Variants in CDH18 observed in about 807,000 individuals in gnomAD.
CDH18 encodes the protein cadherin 18.
CDH18 carries 31 observed loss-of-function variants against 67.9 expected under a neutral mutation model. That is an observed-to-expected ratio of 0.46 (90% CI 0.34 to 0.62). The LOEUF (loss-of-function observed/expected upper bound fraction) is 0.62, where lower values mean the gene tolerates loss of function less well. Among genes scored for constraint, CDH18 ranks in the 20% least tolerant of loss-of-function variants. The probability of loss-of-function intolerance (pLI) is 0.01; values close to 1 mark genes in which losing one functional copy is unlikely to be tolerated. For missense variants in CDH18, 890 were observed against 975.5 expected, an observed-to-expected ratio of 0.91 and a Z score of 1.17; for synonymous variants, 362 against 347.2, an observed-to-expected ratio of 1.04 and a Z score of -0.48.
chr5:19,827,551 T>C (rs890657624), intron 3 of CDH18, among the ~76,000 whole-genome samples: 5 of 151,994 alleles, frequency 3.3e-5, no homozygotes, highest in Non-Finnish European at 2.9e-5. Context: ...TCTTGGACCA[T>C]TGCACAATAA....
At chr5:19,898,869 C>A (rs1789630462) in intron 2 of CDH18, among the ~76,000 whole-genome samples, 1 of 152,080 alleles carries the variant, frequency 6.6e-6, no homozygotes, top group African/African-American at 2.4e-5. Flanking sequence ...ATTAAAAGAC[C>A]ACTTATGAAA....
chr5:19,921,454 C>T (rs1401757019), intron 2 of CDH18, among the ~76,000 whole-genome samples: 1 of 151,622 alleles, frequency 6.6e-6, no homozygotes. Flanking sequence ...TGGTGTGAAC[C>T]CGGGAGGCAG....
At chr5:20,092,121 A>G (rs572709854) in intron 2 of CDH18, among the ~76,000 whole-genome samples, 11 of 152,154 alleles carry the variant, frequency 7.2e-5, no homozygotes, top group Non-Finnish European at 1.3e-4. Flanking sequence ...AGTGTAAAAT[A>G]CCTCAGAATC....
chr5:19,760,229 T>C (rs1341387981), intron 3 of CDH18, among the ~76,000 whole-genome samples: 2 of 152,092 alleles, frequency 1.3e-5, no homozygotes, highest in African/African-American at 2.4e-5. Flanking sequence ...CACCATTAGA[T>C]CTGATACACA....
chr5:20,567,026 C>G (rs1758553205), intron 1 of CDH18, among the ~76,000 whole-genome samples: 1 of 152,206 alleles, frequency 6.6e-6, no homozygotes, highest in Non-Finnish European at 1.5e-5. Flanking sequence ...TGGTAGCTCA[C>G]TCATTTTCTG....
At chr5:20,329,135 T>C (rs1738914918) in intron 1 of CDH18, among the ~76,000 whole-genome samples, 1 of 152,176 alleles carries the variant, frequency 6.6e-6, no homozygotes, top group Admixed American at 6.5e-5. Context: ...TATAAACCAT[T>C]CCTGAGGGCT....
chr5:20,180,457 T>G (rs4002091), intron 2 of CDH18, among the ~76,000 whole-genome samples: 105,936 of 152,018 alleles, frequency 0.7, 37,558 homozygotes, highest in African/African-American at 0.84. Context: ...CGTAGGTTAT[T>G]GAAAGATTGT....
chr5:20,157,065 A>G (rs1375760237), intron 2 of CDH18, among the ~76,000 whole-genome samples: 5 of 152,312 alleles, frequency 3.3e-5, no homozygotes, highest in East Asian at 3.9e-4. Flanking sequence ...GGTAGTGTAT[A>G]TGGCATGGGT....
chr5:20,494,225 G>C (rs1753770872), intron 1 of CDH18, among the ~76,000 whole-genome samples: 1 of 152,056 alleles, frequency 6.6e-6, no homozygotes, highest in Admixed American at 6.6e-5. Context: ...GAGTGGAATA[G>C]ACTCCAAAAT....
chr5:19,904,691 A>C (rs1457656920), intron 2 of CDH18, among the ~76,000 whole-genome samples: 3 of 152,218 alleles, frequency 2.0e-5, no homozygotes, highest in African/African-American at 7.2e-5. Flanking sequence ...TCTGAAAAAC[A>C]AGTGTTGGAT....
intron 1 of CDH18, among the ~76,000 whole-genome samples, chr5:20,404,412 A>T (rs965641212): frequency 3.3e-5 from 5 of 152,070 alleles, no homozygotes; most frequent in Non-Finnish European, 5.9e-5. Flanking sequence ...AAGCTTAATC[A>T]TTTCCAGCTT....
At chr5:20,072,830 C>A (rs968869876) in intron 2 of CDH18, among the ~76,000 whole-genome samples, 1 of 151,630 alleles carries the variant, frequency 6.6e-6, no homozygotes, top group Admixed American at 6.6e-5. Flanking sequence ...AGTATTTTTA[C>A]AGAAATACAT....
At chr5:19,727,305 C>T (rs1352948482) in intron 4 of CDH18, among the ~76,000 whole-genome samples, 2 of 152,032 alleles carry the variant, frequency 1.3e-5, no homozygotes. Context: ...CAGAGTAGTG[C>T]GGGCCTCTAA....
At chr5:20,512,890 A>G (rs1755132719) in intron 1 of CDH18, among the ~76,000 whole-genome samples, 1 of 151,708 alleles carries the variant, frequency 6.6e-6, no homozygotes, top group Non-Finnish European at 1.5e-5. Flanking sequence ...TCTCCAAAAA[A>G]AAAAAAAAAA....
chr5:20,172,214 A>ATATACGTATATATATATACG (rs1554098759), intron 2 of CDH18, among the ~76,000 whole-genome samples: 1 of 32,860 alleles, frequency 3.0e-5, no homozygotes, highest in African/African-American at 1.2e-4. Flanking sequence ...ATATATATAT[A>ATATACGTATATATATATACG]TATATATATG....
chr5:19,756,656 T>TA (rs1365024352), intron 3 of CDH18, among the ~76,000 whole-genome samples: 1 of 152,226 alleles, frequency 6.6e-6, no homozygotes, highest in Non-Finnish European at 1.5e-5. Context: ...ACTCCCTCCT[T>TA]AGCTTGTTGG....
chr5:19,830,731 T>C (rs1305569578), intron 3 of CDH18, among the ~76,000 whole-genome samples: 2 of 152,076 alleles, frequency 1.3e-5, no homozygotes, highest in South Asian at 2.1e-4. Context: ...ACCACACATA[T>C]ACGCATATGT....
At position 19,557,875 on chromosome 5, in the gene CDH18, G is replaced by A. The variant is rs184271934; in HGVS notation, c.1253+13704C>T. On this transcript the variant is annotated intron_variant, in intron 8 of 12. Coordinates refer to ENST00000382275, the MANE Select transcript of CDH18 (RefSeq NM_004934.5). ...CATCAGCACATGGAACATTCTCCAA[G>A]AGAGACAATATGATAGGCCACAGTA... Among the ~76,000 whole-genome samples, 11 of 152,116 alleles carry A rather than the reference G, an allele frequency of 7.2e-5. No homozygotes were observed. In the East Asian group the frequency reaches 2.1e-3, roughly 29 times the overall value.
intron 2 of CDH18, among the ~76,000 whole-genome samples, chr5:20,070,401 GT>G (rs1561766521): frequency 6.6e-6 from 1 of 152,096 alleles, no homozygotes; most frequent in Admixed American, 6.6e-5. Context: ...TCAGGGTAAT[GT>G]TTGTGTTATT....
Sources: allele counts gnomAD v4.1 joint callset (sites outside exome capture counted in the v4.1 genomes callset), GRCh38; gene constraint gnomAD v4.1.1; transcripts MANE v1.5; gene names NCBI Gene and HGNC (gene_info 2026-07-23, HGNC 2026-07-21).